IMMP2L: variants seen among roughly 807,000 people sequenced by gnomAD.
IMMP2L encodes the protein mitochondrial inner membrane protease subunit 2.
In IMMP2L, 18 loss-of-function variants were observed where a neutral mutation model predicts 19.3. That is an observed-to-expected ratio of 0.93 (90% CI 0.64 to 1.38). IMMP2L has a LOEUF of 1.38. Among genes scored for constraint, IMMP2L ranks in the 40% most tolerant of loss-of-function variants. IMMP2L has a pLI of 0.00. For synonymous variants in IMMP2L, 76 were observed against 73.0 expected (o/e 1.04, Z -0.21); for missense variants, 233 against 218.2 (o/e 1.07, Z -0.43).
chr7:110,939,755 T>G (rs1028639001), intron 4 of IMMP2L, among the ~76,000 whole-genome samples: 2 of 152,224 alleles, frequency 1.3e-5, no homozygotes, highest in Non-Finnish European at 2.9e-5. Context: ...TATCTCGCTG[T>G]ATTCATTGCA....
intron 3 of IMMP2L, among the ~76,000 whole-genome samples, chr7:111,319,655 C>A (rs973263797): frequency 1.3e-5 from 2 of 152,014 alleles, no homozygotes; most frequent in Non-Finnish European, 2.9e-5. Flanking sequence ...TGTTTTAATA[C>A]AGAAGGCTAT....
chr7:111,212,061 G>A (rs1811379598), intron 3 of IMMP2L, among the ~76,000 whole-genome samples: 2 of 151,944 alleles, frequency 1.3e-5, no homozygotes, highest in Non-Finnish European at 2.9e-5. Context: ...TACTATAAAC[G>A]AAACTAAGGT....
At chr7:111,232,973 T>G (rs1813879264) in intron 3 of IMMP2L, among the ~76,000 whole-genome samples, 1 of 152,086 alleles carries the variant, frequency 6.6e-6, no homozygotes, top group Non-Finnish European at 1.5e-5. Flanking sequence ...CCAATGCATC[T>G]TGCTTCGATC....
chr7:111,549,097 A>G (rs1849209838), intron 1 of IMMP2L, among the ~76,000 whole-genome samples: 2 of 152,218 alleles, frequency 1.3e-5, no homozygotes, highest in Admixed American at 1.3e-4. Context: ...AAATACAGTC[A>G]TTTTTTTCTC....
chr7:111,482,354 G>C (rs1000797343), intron 3 of IMMP2L, among the ~76,000 whole-genome samples: 21 of 152,078 alleles, frequency 1.4e-4, no homozygotes, highest in African/African-American at 3.9e-4. Context: ...TTACTTACAG[G>C]CATGCTCATT....
intron 5 of IMMP2L, among the ~76,000 whole-genome samples, chr7:110,786,862 C>T (rs887027874): frequency 2.0e-5 from 3 of 151,952 alleles, no homozygotes; most frequent in Non-Finnish European, 2.9e-5. Context: ...AGGCATTTCT[C>T]CATAACACTG....
chr7:111,285,385 A>G (rs1820373994), intron 3 of IMMP2L, among the ~76,000 whole-genome samples: 1 of 152,180 alleles, frequency 6.6e-6, no homozygotes, highest in Non-Finnish European at 1.5e-5. Context: ...AACAGAGAAA[A>G]GCCTTTAAAA....
chr7:111,012,054 C>T (rs1466150250), intron 3 of IMMP2L, among the ~76,000 whole-genome samples: 1 of 152,000 alleles, frequency 6.6e-6, no homozygotes, highest in Non-Finnish European at 1.5e-5. Flanking sequence ...TATTGAGTAA[C>T]AGATATTTAT....
chr7:111,134,098 C>T (rs561967074), intron 3 of IMMP2L, among the ~76,000 whole-genome samples: 3 of 151,944 alleles, frequency 2.0e-5, no homozygotes, highest in African/African-American at 7.2e-5. Context: ...TTAAGATTGA[C>T]CTAGTTCTGT....
intron 3 of IMMP2L, among the ~76,000 whole-genome samples, chr7:110,992,652 T>C (rs529007676): frequency 6.6e-6 from 1 of 151,930 alleles, no homozygotes; most frequent in African/African-American, 2.4e-5. Context: ...TATTATGATA[T>C]AAGTCATAAT....
At chr7:111,519,704 T>A (rs1846173093) in intron 2 of IMMP2L, among the ~76,000 whole-genome samples, 1 of 152,072 alleles carries the variant, frequency 6.6e-6, no homozygotes, top group Admixed American at 6.6e-5. Flanking sequence ...TGAACATAGA[T>A]GTTCAGTAGG....
At chr7:110,871,755 T>C (rs1434583405) in intron 5 of IMMP2L, among the ~76,000 whole-genome samples, 4 of 152,108 alleles carry the variant, frequency 2.6e-5, no homozygotes, top group Non-Finnish European at 5.9e-5. Context: ...TAAGATAAAC[T>C]ACAGTGAGAC....
chr7:111,521,574 C>T (rs1846335466), intron 1 of IMMP2L, 125 bp from the exon 2 acceptor site: 2 of 701,540 alleles, frequency 2.9e-6, no homozygotes, highest in South Asian at 5.0e-5. Context: ...ATATTACACA[C>T]TCATTCCTGT....
chr7:111,284,018 A>G (rs377206869), intron 3 of IMMP2L, among the ~76,000 whole-genome samples: 2 of 151,154 alleles, frequency 1.3e-5, no homozygotes, highest in South Asian at 2.1e-4. Context: ...TTTGCATTTC[A>G]TATCATATTC....
chr7:111,124,344 TTTGAA>T (rs1365123981), intron 3 of IMMP2L: 1 of 1,613,584 alleles, frequency 6.2e-7, no homozygotes, highest in Non-Finnish European at 8.5e-7. Flanking sequence ...ACAATGGCTC[TTTGAA>T]TATTAAAATA....
chr7:110,880,734 C>A (rs799615), intron 5 of IMMP2L, among the ~76,000 whole-genome samples: 2 of 151,992 alleles, frequency 1.3e-5, no homozygotes, highest in African/African-American at 4.8e-5. Context: ...TTAATAACCC[C>A]TGCATATGTT....
chr7:111,532,145 A>G (rs1035581061), intron 1 of IMMP2L, among the ~76,000 whole-genome samples: 24 of 152,160 alleles, frequency 1.6e-4, no homozygotes, highest in Non-Finnish European at 1.5e-5. Context: ...GCATTAGGCA[A>G]TAACATGAGT....
intron 3 of IMMP2L, among the ~76,000 whole-genome samples, chr7:111,225,371 T>C (rs1161783639): frequency 6.6e-6 from 1 of 152,132 alleles, no homozygotes; most frequent in East Asian, 1.9e-4. Context: ...AAATGGGATT[T>C]GTTTATGCTG....
At chr7:111,471,718 A>G (rs1427972418) in intron 3 of IMMP2L, among the ~76,000 whole-genome samples, 1 of 152,088 alleles carries the variant, frequency 6.6e-6, no homozygotes, top group African/African-American at 2.4e-5. Context: ...CTCACGTTAT[A>G]TTTCTTTTGA....
Sources: allele counts gnomAD v4.1 joint callset (sites outside exome capture counted in the v4.1 genomes callset), GRCh38; gene constraint gnomAD v4.1.1; transcripts MANE v1.5; gene names NCBI Gene and HGNC (gene_info 2026-07-23, HGNC 2026-07-21).